GRIN2A: variants seen among roughly 807,000 people sequenced by gnomAD.
The protein encoded by GRIN2A is glutamate receptor ionotropic, NMDA 2A.
GRIN2A carries 22 observed loss-of-function variants against 113.4 expected under a neutral mutation model. The ratio of observed to expected loss-of-function variants is 0.19; its 90% confidence interval spans 0.14 to 0.28. The LOEUF is 0.28. Among genes scored for constraint, GRIN2A ranks in the 10% least tolerant of loss-of-function variants. The pLI is 1.00. For synonymous variants in GRIN2A, 827 were observed against 738.4 expected (o/e 1.12, Z -1.94); for missense variants, 1,502 against 1,887.0 (o/e 0.80, Z 3.78).
At chr16:9,976,582 T>C (rs1434980198) in intron 2 of GRIN2A, among the ~76,000 whole-genome samples, 1 of 152,178 alleles carries the variant, frequency 6.6e-6, no homozygotes, top group Non-Finnish European at 1.5e-5. Context: ...CAACTGAGAC[T>C]CAGAAGTGCT....
chr16:9,965,591 G>C (rs943578445), intron 2 of GRIN2A, among the ~76,000 whole-genome samples: 9 of 152,170 alleles, frequency 5.9e-5, no homozygotes, highest in Non-Finnish European at 1.2e-4. Context: ...GGCTCCATGA[G>C]AGCAAGGATC....
At chr16:9,935,991 C>A (rs1007992963) in intron 3 of GRIN2A, among the ~76,000 whole-genome samples, 1 of 152,170 alleles carries the variant, frequency 6.6e-6, no homozygotes, top group African/African-American at 2.4e-5. Flanking sequence ...CATGAGCTAC[C>A]ACACCCAGCC....
intron 2 of GRIN2A, among the ~76,000 whole-genome samples, chr16:10,148,734 A>C (rs940332574): frequency 4.7e-4 from 72 of 152,322 alleles, no homozygotes; most frequent in African/African-American, 1.6e-3. Flanking sequence ...CATATCCAAA[A>C]GAAAGGAAAT....
intron 7 of GRIN2A, among the ~76,000 whole-genome samples, chr16:9,838,562 G>C (rs1279615330): frequency 6.6e-6 from 1 of 152,190 alleles, no homozygotes; most frequent in Non-Finnish European, 1.5e-5. Context: ...ATAAATGACT[G>C]TTGTTCTTTG....
chr16:9,889,899 T>C (rs1197810743), intron 4 of GRIN2A, among the ~76,000 whole-genome samples: 1 of 152,226 alleles, frequency 6.6e-6, no homozygotes, highest in Admixed American at 6.5e-5. Flanking sequence ...GGATTTCCCA[T>C]GTGCACTCGA....
At chr16:9,845,255 C>T (rs904982332) in intron 5 of GRIN2A, among the ~76,000 whole-genome samples, 11 of 152,172 alleles carry the variant, frequency 7.2e-5, no homozygotes, top group African/African-American at 2.7e-4. Flanking sequence ...GTAGAAAAGT[C>T]AATTCTTTTA....
intron 2 of GRIN2A, among the ~76,000 whole-genome samples, chr16:10,150,454 G>A (rs2049544722): frequency 6.6e-6 from 1 of 152,164 alleles, no homozygotes; most frequent in African/African-American, 2.4e-5. Flanking sequence ...AACAAAACCA[G>A]GTCTATTTTA....
chr16:10,129,723 T>C (rs1375071), intron 2 of GRIN2A, among the ~76,000 whole-genome samples: 44,728 of 152,146 alleles, frequency 0.29, 6,812 homozygotes, highest in Middle Eastern at 0.35. Context: ...AAGCAATTGA[T>C]TTTAATTCTA....
rs2141130284 is a variant in GRIN2A at position 9,763,903 on chromosome 16, C to T, written c.3641G>A (p.Cys1214Tyr). Residue 1214 changes from cysteine to tyrosine, a missense_variant, in exon 13 of 13, where the codon TGC becomes TAC. Physicochemically the swap from Cys to Tyr is radical, Grantham distance 194. Transcript: ENST00000330684. ...GGGCATGTTGGAAAGGCAGCTTCTGCAGTGCGTGGAGTTCTGCCGGTATCG... is the reference window on the plus strand; with the variant it reads ...GGGCATGTTGGAAAGGCAGCTTCTGTAGTGCGTGGAGTTCTGCCGGTATCG... ...SERYRQNSTH[C>Y]RSCLSNMPTY... is the part of the protein sequence containing the mutation. 6.2e-7 allele frequency: 1 copy of T among 1,614,134 alleles called. No individual in the cohort carries two copies. Among genetic ancestry groups the T allele is most frequent in the South Asian group, 1.1e-5 (1 of 91,072 alleles).
chr16:10,163,075 C>A (rs142585036), intron 2 of GRIN2A, among the ~76,000 whole-genome samples: 3 of 152,032 alleles, frequency 2.0e-5, no homozygotes, highest in African/African-American at 7.2e-5. Flanking sequence ...CACATCACAC[C>A]CCAAAACCAG....
intron 2 of GRIN2A, among the ~76,000 whole-genome samples, chr16:9,992,913 C>A (rs923099407): frequency 1.3e-5 from 2 of 152,116 alleles, no homozygotes; most frequent in Admixed American, 6.6e-5. Context: ...ACTCTCATAT[C>A]TAAAAAATAA....
chr16:9,901,623 C>T (rs1158644220), intron 3 of GRIN2A, among the ~76,000 whole-genome samples: 3 of 152,032 alleles, frequency 2.0e-5, no homozygotes, highest in Non-Finnish European at 2.9e-5. Flanking sequence ...CCACACCTGG[C>T]TAATTGTTTG....
Position 9,781,443 on chromosome 16 carries a change from C to G in GRIN2A, c.2357-12354G>C, listed in dbSNP as rs570852760. Reference sequence around the variant, plus strand: ...TGGAAGGAACACTGCTCTCTGCAGCCTCAACCTCCCAGGCTCAAGTGATCC... The same window carrying G: ...TGGAAGGAACACTGCTCTCTGCAGCGTCAACCTCCCAGGCTCAAGTGATCC... On this transcript the variant is annotated intron_variant, in intron 11 of 12. Coordinates refer to ENST00000330684, the MANE Select transcript of GRIN2A (RefSeq NM_001134407.3). Among the ~76,000 whole-genome samples the G allele has an allele frequency of 8.5e-5, 13 of 152,246 alleles. No homozygotes were observed. In the East Asian group the frequency reaches 9.7e-4, roughly 11 times the overall value.
Position 10,053,662 on chromosome 16 carries a change from C to T in GRIN2A, c.415-115111G>A, listed in dbSNP as rs1162374053. Among the ~76,000 whole-genome samples, 4 of 152,180 alleles carry T rather than the reference C, an allele frequency of 2.6e-5. No individual in the cohort carries two copies. The South Asian group carries it at 8.3e-4, about 31-fold the overall frequency. On this transcript the variant is annotated intron_variant, in intron 2 of 12. Coordinates refer to ENST00000330684, the MANE Select transcript of GRIN2A (RefSeq NM_001134407.3). ...CCAGGATTAGACCACTTTGCCTAGTCTACATCCTGCCACCTGCTGTTACAA... is the reference window on the plus strand; with the variant it reads ...CCAGGATTAGACCACTTTGCCTAGTTTACATCCTGCCACCTGCTGTTACAA...
chr16:10,115,550 G>A (rs2048714954), intron 2 of GRIN2A, among the ~76,000 whole-genome samples: 1 of 152,210 alleles, frequency 6.6e-6, no homozygotes, highest in Non-Finnish European at 1.5e-5. Flanking sequence ...CAACAGGATA[G>A]GCTGCTGGGA....
chr16:10,017,163 G>A (rs952420064), intron 2 of GRIN2A, among the ~76,000 whole-genome samples: 4 of 152,140 alleles, frequency 2.6e-5, no homozygotes, highest in Non-Finnish European at 4.4e-5. Flanking sequence ...CTCATCTTCT[G>A]ACCACAAAAA....
chr16:9,792,796 T>TA (rs1307043554), intron 11 of GRIN2A, among the ~76,000 whole-genome samples: 2 of 152,172 alleles, frequency 1.3e-5, no homozygotes, highest in African/African-American at 4.8e-5. Context: ...TTCTCAATAC[T>TA]AAAAAGTATT....
intron 2 of GRIN2A, among the ~76,000 whole-genome samples, chr16:10,091,479 C>T (rs2048183562): frequency 6.6e-6 from 1 of 151,740 alleles, no homozygotes; most frequent in East Asian, 1.9e-4. Flanking sequence ...CACACACACA[C>T]ACACACACAC....
Position 9,763,524 on chromosome 16 carries a change from T to G in GRIN2A, c.4020A>C (p.Lys1340Asn). 1 of 1,613,958 alleles carries G rather than the reference T, an allele frequency of 6.2e-7. No homozygotes were observed. Among genetic ancestry groups the G allele is most frequent in the South Asian group, 1.1e-5 (1 of 91,050 alleles). Residue 1340 changes from lysine (K) to asparagine (N), a missense_variant, in exon 13 of 13, where the codon AAA becomes AAC. Physicochemically the swap from Lys to Asn is moderately conservative, Grantham distance 94. Transcript: ENST00000330684. ...SVPSSKLSGKKSSLFPQGLED... is the reference protein window; with the variant it reads ...SVPSSKLSGKNSSLFPQGLED... Reference sequence around the variant, plus strand: ...CCAGACCTTGGGGGAAAAGGGAGCTTTTTTTCCCCGAGAGTTTGCTTGAGG... The same window carrying G: ...CCAGACCTTGGGGGAAAAGGGAGCTGTTTTTCCCCGAGAGTTTGCTTGAGG...
Sources: gnomAD v4.1 joint callset for allele counts (sites outside exome capture counted in the v4.1 genomes callset) on GRCh38, gnomAD v4.1.1 for gene constraint, MANE v1.5 for transcripts, NCBI Gene and HGNC (gene_info 2026-07-23, HGNC 2026-07-21) for gene names.